Variants in STPG2 observed in about 807,000 individuals in gnomAD.
The protein encoded by STPG2 is sperm-tail PG-rich repeat-containing protein 2.
STPG2 carries 56 observed loss-of-function variants against 54.2 expected under a neutral mutation model. That is an observed-to-expected ratio of 1.03 (90% CI 0.83 to 1.29). The LOEUF is 1.29. STPG2 is among the 50% of genes most tolerant of loss of function. The pLI is 0.00. For synonymous variants in STPG2, 200 were observed against 181.8 expected (o/e 1.10, Z -0.81); for missense variants, 596 against 544.9 (o/e 1.09, Z -0.93).
chr4:98,050,830 C>T (rs527745259), intron 5 of STPG2, among the ~76,000 whole-genome samples: 66 of 151,784 alleles, frequency 4.3e-4, no homozygotes, highest in African/African-American at 1.5e-3. Flanking sequence ...ATGGTGAAAC[C>T]CCGTCCCTAC....
intron 4 of STPG2, among the ~76,000 whole-genome samples, chr4:97,500,892 T>C (rs1049436700): frequency 2.6e-5 from 4 of 151,882 alleles, no homozygotes; most frequent in Non-Finnish European, 5.9e-5. Flanking sequence ...CAACTAACTA[T>C]AGAAAATATT....
At chr4:97,974,204 C>T (rs1578747581) in intron 6 of STPG2, among the ~76,000 whole-genome samples, 1 of 152,186 alleles carries the variant, frequency 6.6e-6, no homozygotes, top group Non-Finnish European at 1.5e-5. Flanking sequence ...TTCAGACTTG[C>T]ATAGGGCCTG....
chr4:97,526,505 T>A (rs1731283123), intron 4 of STPG2, among the ~76,000 whole-genome samples: 1 of 152,084 alleles, frequency 6.6e-6, no homozygotes, highest in Non-Finnish European at 1.5e-5. Flanking sequence ...TTATATCCTA[T>A]GTCCACTTTT....
intron 5 of STPG2, among the ~76,000 whole-genome samples, chr4:98,070,763 A>G (rs1218224053): frequency 6.6e-6 from 1 of 152,058 alleles, no homozygotes; most frequent in Admixed American, 6.6e-5. Context: ...CCCAATCACA[A>G]TTGCTACAAA....
At chr4:97,450,968 A>G (rs1318894094) in intron 4 of STPG2, among the ~76,000 whole-genome samples, 5 of 152,172 alleles carry the variant, frequency 3.3e-5, no homozygotes, top group Admixed American at 6.5e-5. Context: ...AAGAATTACT[A>G]ATCAAGATGT....
chr4:97,450,436 T>A (rs78058308), intron 4 of STPG2, among the ~76,000 whole-genome samples: 2,122 of 152,028 alleles, frequency 0.014, 43 homozygotes, highest in African/African-American at 0.048. Context: ...AATCAAACAT[T>A]GATAAGAACT....
chr4:97,923,762 A>T (rs895751126), intron 8 of STPG2, among the ~76,000 whole-genome samples: 2 of 152,176 alleles, frequency 1.3e-5, no homozygotes, highest in African/African-American at 4.8e-5. Flanking sequence ...CTCTGTGTCT[A>T]GCTCAGGGTT....
At chr4:98,075,567 T>C (rs1341030541) in intron 5 of STPG2, among the ~76,000 whole-genome samples, 2 of 152,210 alleles carry the variant, frequency 1.3e-5, no homozygotes, top group East Asian at 3.9e-4. Context: ...TTAAGTCTTA[T>C]CTCCTTTATT....
rs147210994 is a variant in STPG2 at position 97,695,830 on chromosome 4, C to T, written c.1320+16869G>A. On this transcript the variant is annotated intron_variant, in intron 10 of 10. Coordinates refer to ENST00000295268, the MANE Select transcript of STPG2 (RefSeq NM_174952.3). ...TGAAAGACTTCTGCAAGGAAAACTA[C>T]GAAACACTGCTGAAAGTAATGAAAG... Among the ~76,000 whole-genome samples the T allele has an allele frequency of 1.8e-3, 266 of 150,792 alleles. 1 individual carries two copies. Among genetic ancestry groups the T allele is most frequent in the Admixed American group, 2.8e-3 (43 of 15,156 alleles).
chr4:98,114,703 T>A (rs760966466), intron 3 of STPG2, among the ~76,000 whole-genome samples: 2 of 132,928 alleles, frequency 1.5e-5, no homozygotes, highest in Non-Finnish European at 3.3e-5. Context: ...AAAGATTATG[T>A]ATGTGTACAT....
In STPG2 at chr4:97,543,094, G is replaced by A. The variant is rs569651291; in HGVS notation, c.462+169605C>T. Among the ~76,000 whole-genome samples the A allele has an allele frequency of 2.8e-3, 420 of 151,772 alleles. 1 individual carries two copies. The highest frequency in any genetic ancestry group is 4.8e-3 in the Non-Finnish European group (326 of 67,944). On this transcript the variant is annotated intron_variant, in intron 4 of 4. Transcript: ENST00000522676. ...TATATGTAACAAACCTGCACATTGT[G>A]CACATGTACCCTAGAACTTAAGGTG... is the stretch of plus-strand genomic sequence containing the variant.
At chr4:97,649,083 T>G (rs894537302) in intron 10 of STPG2, among the ~76,000 whole-genome samples, 1 of 152,134 alleles carries the variant, frequency 6.6e-6, no homozygotes, top group Non-Finnish European at 1.5e-5. Context: ...TGTCAGAAAA[T>G]GCTTTGAGGA....
chr4:97,751,463 T>A (rs1725578788), intron 9 of STPG2, among the ~76,000 whole-genome samples: 2 of 151,850 alleles, frequency 1.3e-5, no homozygotes, highest in South Asian at 4.1e-4. Flanking sequence ...AAACTGCATG[T>A]ACTCTTCAGA....
intron 9 of STPG2, among the ~76,000 whole-genome samples, chr4:97,744,367 G>A (rs1485129388): frequency 6.6e-6 from 1 of 151,306 alleles, no homozygotes; most frequent in East Asian, 1.9e-4. Flanking sequence ...TAATTGTTGG[G>A]AGGAAGTAGG....
intron 10 of STPG2, among the ~76,000 whole-genome samples, chr4:97,592,832 A>T (rs1264221937): frequency 2.0e-5 from 3 of 151,960 alleles, no homozygotes; most frequent in African/African-American, 7.3e-5. Context: ...AGACCCCACA[A>T]CCCCCAAGGG....
intron 1 of STPG2, among the ~76,000 whole-genome samples, chr4:98,138,480 A>T (rs979426931): frequency 7.2e-5 from 11 of 152,090 alleles, no homozygotes; most frequent in Non-Finnish European, 4.4e-5. Context: ...GTCTACGCTG[A>T]GAAAGAAGGT....
At chr4:97,771,575 C>T (rs1258984210) in intron 9 of STPG2, among the ~76,000 whole-genome samples, 1 of 152,114 alleles carries the variant, frequency 6.6e-6, no homozygotes, top group African/African-American at 2.4e-5. Context: ...CATAGCTAGG[C>T]ACGTGAGCAT....
chr4:98,130,443 A>G lies in STPG2; in HGVS notation c.223-1851T>C, dbSNP rs1275058463. Among the ~76,000 whole-genome samples the G allele has an allele frequency of 2.0e-5, 3 of 152,140 alleles. No individual in the cohort carries two copies. In the South Asian group the frequency reaches 6.2e-4, roughly 32 times the overall value. On this transcript the variant is annotated intron_variant, in intron 2 of 10. Transcript: ENST00000295268. ...TCTGCCCCCACTTCCCTGGCCTCCC[A>G]AAGTGCTAGGATTACAGGCATAAGC...
intron 10 of STPG2, among the ~76,000 whole-genome samples, chr4:97,628,653 C>T (rs1440497134): frequency 6.6e-6 from 1 of 152,028 alleles, no homozygotes; most frequent in Non-Finnish European, 1.5e-5. Flanking sequence ...ATTTACCTTA[C>T]AATTACAGAT....
Sources: gnomAD v4.1 joint callset for allele counts (sites outside exome capture counted in the v4.1 genomes callset) on GRCh38, gnomAD v4.1.1 for gene constraint, MANE v1.5 for transcripts, NCBI Gene and HGNC (gene_info 2026-07-23, HGNC 2026-07-21) for gene names.